The following MGAT5B variants were observed in gnomAD, a reference collection of about 807,000 sequenced individuals.
MGAT5B encodes N-acetylglucosaminyl-transferase Vb.
MGAT5B carries 54 observed loss-of-function variants against 95.1 expected under a neutral mutation model. The ratio of observed to expected loss-of-function variants is 0.57; its 90% CI spans 0.46 to 0.71. The LOEUF is 0.71. Among genes scored for constraint, MGAT5B ranks in the 30% least tolerant of loss-of-function variants. The pLI is 0.00. For missense variants in MGAT5B, 935 were observed against 1,088.6 expected, an observed-to-expected ratio of 0.86 and a Z score of 1.99; for synonymous variants, 464 against 451.0, an observed-to-expected ratio of 1.03 and a Z score of -0.36.
In MGAT5B at chr17:76,926,872, C is replaced by T. The variant is rs1358577005; in HGVS notation, c.1291+142C>T. On this transcript the variant is annotated intron_variant, in intron 10 of 17. Coordinates refer to ENST00000569840, the MANE Select transcript of MGAT5B (RefSeq NM_001199172.2). ...GTTGGTGGGACCCAGCAAGCATCGC[C>T]TTCTCCTGCTCCATAAGTGTGTGAA... is the stretch of plus-strand genomic sequence containing the variant. 2.0e-5 allele frequency: 20 copies of T among 1,017,962 alleles called. No homozygotes were observed. The East Asian group carries it at 3.6e-4, about 19-fold the overall frequency. The allele number at this position is 1,017,962 out of a possible 1,614,324, so 63.1% of individuals were successfully genotyped here.
intron 15 of MGAT5B, among the ~76,000 whole-genome samples, chr17:76,943,627 G>T (rs1035394518): frequency 5.9e-4 from 85 of 145,182 alleles, no homozygotes; most frequent in African/African-American, 1.8e-3. Flanking sequence ...GTGGGGTGGG[G>T]GGGGGGTCTC....
intron 5 of MGAT5B, 129 bp downstream of exon 5, chr17:76,903,505 A>C (rs1968398536): frequency 1.8e-6 from 1 of 562,182 alleles, no homozygotes; most frequent in Non-Finnish European, 3.0e-6. Flanking sequence ...CAGTGCATCC[A>C]CCCCACCCAT....
rs1289396223 is a variant in MGAT5B at position 76,870,816 on chromosome 17, T to C, written c.68+1719T>C. On this transcript the variant is annotated intron_variant, in intron 1 of 17. Coordinates refer to ENST00000569840, the MANE Select transcript of MGAT5B (RefSeq NM_001199172.2). This position sits in a 1 kb window ranked among gnomAD's most constrained non-coding sequence, Gnocchi z 5.0. ...AAAGGCAGGCTGGGGTCCTGTTCCC[T>C]GTGGTTTTCCCAGGGCTGCTGGCAG... Among the ~76,000 whole-genome samples the C allele has an allele frequency of 2.0e-5, 3 of 151,524 alleles. No individual in the cohort carries two copies. Among genetic ancestry groups the C allele is most frequent in the Non-Finnish European group, 2.9e-5 (2 of 67,904 alleles).
intron 9 of MGAT5B, among the ~76,000 whole-genome samples, chr17:76,925,738 T>C (rs1360879428): frequency 6.6e-6 from 1 of 152,152 alleles, no homozygotes; most frequent in Non-Finnish European, 1.5e-5. Flanking sequence ...GCCTCTTCCC[T>C]GGGGGAAAAG....
At chr17:76,880,637 G>A (rs142086370) in intron 2 of MGAT5B, among the ~76,000 whole-genome samples, 72 of 152,276 alleles carry the variant, frequency 4.7e-4, no homozygotes, top group African/African-American at 1.7e-3. Context: ...CCTTGAGACG[G>A]GGATGCTGAA....
chr17:76,897,705 CTTTCTTTCTTTCTT>C (rs1567800242), intron 3 of MGAT5B, among the ~76,000 whole-genome samples: 2 of 96,170 alleles, frequency 2.1e-5, no homozygotes, highest in African/African-American at 1.1e-4. Context: ...TTCTTTCTTT[CTTTCTTTCTTTCTT>C]TCTTTCTTTT....
Position 76,906,305 on chromosome 17 carries a change from C to G in MGAT5B, c.1025+118C>G. The G allele has an allele frequency of 2.1e-6, 2 of 958,440 alleles. No individual in the cohort carries two copies. The highest frequency in any genetic ancestry group is 3.0e-6 in the Non-Finnish European group (2 of 666,894). The allele number at this position is 958,440 out of a possible 1,614,324, so 59.4% of individuals were successfully genotyped here. On this transcript the variant is annotated intron_variant, in intron 8 of 17. Coordinates refer to ENST00000569840, the MANE Select transcript of MGAT5B (RefSeq NM_001199172.2). The surrounding 1 kb of genome is among the most constrained non-coding windows in gnomAD (Gnocchi z 4.6). ...TGCTCTGCCTGCAGGTCCCACGGCC[C>G]TGAGACCCTGGGAGACATCCTGGTG... is the stretch of plus-strand genomic sequence containing the variant.
intron 2 of MGAT5B, among the ~76,000 whole-genome samples, chr17:76,875,024 A>G (rs1347944021): frequency 6.6e-6 from 1 of 152,214 alleles, no homozygotes; most frequent in African/African-American, 2.4e-5. Flanking sequence ...TGAACAATCC[A>G]TGCAACTAAC....
In MGAT5B at chr17:76,943,711, G is replaced by T. The variant is rs529241635; in HGVS notation, c.1849-2665G>T. The stretch of plus-strand genomic sequence containing the variant: ...CCGCCTCGGCCTCCCAAAGAGCTGG[G>T]ATTACAGGCATGAGCCACCATGCCC... On this transcript the variant is annotated intron_variant, in intron 15 of 17. Coordinates refer to ENST00000569840, the MANE Select transcript of MGAT5B (RefSeq NM_001199172.2). 1.2e-3 allele frequency among the ~76,000 whole-genome samples: 182 copies of T among 152,210 alleles called. 1 individual carries two copies. Among genetic ancestry groups the T allele is most frequent in the Middle Eastern group, 6.8e-3 (2 of 294 alleles).
intron 8 of MGAT5B, chr17:76,913,748 G>A (rs1173387299): frequency 2.0e-6 from 1 of 493,948 alleles, no homozygotes; most frequent in Non-Finnish European, 4.0e-6. Context: ...TCTAGAAGGA[G>A]ATGTGGCCAG....
chr17:76,920,111 A>G (rs1969079340), intron 8 of MGAT5B, among the ~76,000 whole-genome samples: 1 of 152,156 alleles, frequency 6.6e-6, no homozygotes, highest in Non-Finnish European at 1.5e-5. Context: ...CCAGTTTGGC[A>G]ATTCCACACA....
rs776364280 is a variant in MGAT5B at position 76,940,837 on chromosome 17, A to C, written c.1837A>C (p.Met613Leu). Reference protein sequence around the residue: ...EEFEAAIKAIMRTQVDPYLPY... With the variant: ...EEFEAAIKAILRTQVDPYLPY... ...GTTTGAAGCAGCCATCAAGGCCATTATGAGAACTCAGGTGAGAGCAGCCAC... is the reference window on the plus strand; with the variant it reads ...GTTTGAAGCAGCCATCAAGGCCATTCTGAGAACTCAGGTGAGAGCAGCCAC... The change falls in exon 15 of 18, where the codon ATG (methionine) becomes CTG (leucine). Residue 613 changes from methionine (M) to leucine (L), a missense_variant. Coordinates refer to ENST00000569840, the MANE Select transcript of MGAT5B (RefSeq NM_001199172.2). This position sits in a 1 kb window ranked among gnomAD's most constrained non-coding sequence, Gnocchi z 4.3. 1.2e-6 allele frequency: 2 copies of C among 1,613,728 alleles called. No individual in the cohort carries two copies. The highest frequency in any genetic ancestry group is 4.5e-5 in the East Asian group (2 of 44,896).
At chr17:76,898,390 G>A (rs1968178578) in intron 3 of MGAT5B, among the ~76,000 whole-genome samples, 2 of 148,832 alleles carry the variant, frequency 1.3e-5, no homozygotes, top group Admixed American at 6.7e-5. Context: ...GTGCAGTGAC[G>A]CGATCTCGGC....
In MGAT5B at chr17:76,906,492, G is replaced by T. The variant is rs576406562; in HGVS notation, c.1025+305G>T. The stretch of plus-strand genomic sequence containing the variant: ...GTGTTGGCTTGTGGAATTGAGCCAC[G>T]TCTGCACGTGGGGTCCCCTCTGCCT... On this transcript the variant is annotated intron_variant, in intron 8 of 17. Transcript: ENST00000569840. This position sits in a 1 kb window ranked among gnomAD's most constrained non-coding sequence, Gnocchi z 4.6. 6.6e-6 allele frequency among the ~76,000 whole-genome samples: 1 copy of T among 152,242 alleles called. No individual in the cohort carries two copies. Among genetic ancestry groups the T allele is most frequent in the South Asian group, 2.1e-4 (1 of 4,834 alleles).
chr17:76,912,263 T>C lies in MGAT5B; in HGVS notation c.1025+6076T>C, dbSNP rs1968766185. Among the ~76,000 whole-genome samples the C allele has an allele frequency of 6.6e-6, 1 of 152,094 alleles. No individual in the cohort carries two copies. Among genetic ancestry groups the C allele is most frequent in the East Asian group, 1.9e-4 (1 of 5,186 alleles). ...GACACAATGTAAACCCATAATAAGA[T>C]GGCAACCACTGGGGGGCCCTGGGCA... On this transcript the variant is annotated intron_variant, in intron 8 of 17. Coordinates refer to ENST00000569840, the MANE Select transcript of MGAT5B (RefSeq NM_001199172.2). The surrounding 1 kb of genome is among the most constrained non-coding windows in gnomAD (Gnocchi z 5.0).
chr17:76,939,029 G>GGTGTGTGTGTGT (rs372571720), intron 13 of MGAT5B, among the ~76,000 whole-genome samples: 48 of 128,188 alleles, frequency 3.7e-4, no homozygotes, highest in Admixed American at 5.6e-4. Context: ...GCATCTTGGG[G>GGTGTGTGTGTGT]GTGTGTGTGT....
At position 76,912,718 on chromosome 17, in the gene MGAT5B, C is replaced by T. The variant is rs995302498; in HGVS notation, c.1025+6531C>T. 5.9e-5 allele frequency among the ~76,000 whole-genome samples: 9 copies of T among 152,020 alleles called. No individual in the cohort carries two copies. The highest frequency in any genetic ancestry group is 1.0e-4 in the Non-Finnish European group (7 of 67,988). On this transcript the variant is annotated intron_variant, in intron 8 of 17. Transcript: ENST00000569840. This position sits in a 1 kb window ranked among gnomAD's most constrained non-coding sequence, Gnocchi z 5.0. Reference sequence around the variant, plus strand: ...TGGCTTTGCTGCTGCAAGATGCTTCCGGGGTGAGGGAGGTGGCACGAGGGA... The same window carrying T: ...TGGCTTTGCTGCTGCAAGATGCTTCTGGGGTGAGGGAGGTGGCACGAGGGA...
rs1970114697 is a variant in MGAT5B at position 76,948,741 on chromosome 17, T to C, written c.2282T>C (p.Leu761Pro). 2 of 1,612,410 alleles carry C rather than the reference T, an allele frequency of 1.2e-6. No homozygotes were observed. The highest frequency in any genetic ancestry group is 1.1e-5 in the South Asian group (1 of 90,732). ...TGCTACCTGCAGAAGGAGCCTCTGC[T>C]CTTCAGCTGCGCCGGCTCCAACACC... ...QECYLQKEPLLFSCAGSNTKY... is the reference protein window; with the variant it reads ...QECYLQKEPLPFSCAGSNTKY... The change falls in exon 18 of 18, where the codon CTC (leucine) becomes CCC (proline). Residue 761 changes from leucine to proline, a missense_variant. Physicochemically the swap from Leu to Pro is moderately conservative, Grantham distance 98. Transcript: ENST00000569840.
chr17:76,947,814 G>A lies in MGAT5B; in HGVS notation c.1924-16G>A. 1 of 1,534,584 alleles carries A rather than the reference G, an allele frequency of 6.5e-7. No homozygotes were observed. Among genetic ancestry groups the A allele is most frequent in the Non-Finnish European group, 8.8e-7 (1 of 1,138,352 alleles). On this transcript the variant is annotated splice_polypyrimidine_tract_variant and intron_variant, in intron 16 of 17. Coordinates refer to ENST00000569840, the MANE Select transcript of MGAT5B (RefSeq NM_001199172.2). ...GGTCGCACTTCCCCACCCTGACACT[G>A]CTCTCCTCCTTGCAGGACTTCTGCA...
Sources: allele counts gnomAD v4.1 joint callset (sites outside exome capture counted in the v4.1 genomes callset), GRCh38; gene constraint gnomAD v4.1.1; non-coding constraint Gnocchi (gnomAD v3.1); transcripts MANE v1.5; gene names NCBI Gene and HGNC (gene_info 2026-07-23, HGNC 2026-07-21).